Variants in GPT2 observed in about 807,000 individuals in gnomAD.
GPT2 encodes the protein alanine aminotransferase 2.
A neutral mutation model predicts 56.9 loss-of-function variants in GPT2; 30 were observed. That is an observed-to-expected ratio of 0.53 (90% CI 0.39 to 0.72). GPT2 has a LOEUF of 0.72. GPT2 is among the 30% of genes least tolerant of loss of function. The pLI is 0.00. For missense variants in GPT2, 542 were observed against 703.4 expected (o/e 0.77, Z 2.60); for synonymous variants, 271 against 283.1 (o/e 0.96, Z 0.43).
chr16:46,915,317 TAG>T (rs930492349), intron 6 of GPT2: 1 of 146,920 alleles, frequency 6.8e-6, no homozygotes, highest in African/African-American at 2.5e-5. Context: ...ACACCACACA[TAG>T]ACACATACTA....
chr16:46,897,965 CG>C (rs948700492), intron 3 of GPT2, among the ~76,000 whole-genome samples: 19 of 152,290 alleles, frequency 1.2e-4, no homozygotes, highest in Admixed American at 4.6e-4. Flanking sequence ...TTCCACAAGG[CG>C]GGGTCCTGGG....
chr16:46,907,462 G>A (rs1050490173), intron 5 of GPT2, among the ~76,000 whole-genome samples: 1 of 152,254 alleles, frequency 6.6e-6, no homozygotes, highest in Non-Finnish European at 1.5e-5. Context: ...ACCTGGTGGA[G>A]CGGGGGCAGG....
At chr16:46,925,279 T>C (rs192408445) in intron 10 of GPT2, among the ~76,000 whole-genome samples, 295 of 152,038 alleles carry the variant, frequency 1.9e-3, no homozygotes, top group African/African-American at 6.6e-3. Context: ...TGGAGTGCAG[T>C]GGTGCGATCG....
chr16:46,902,773 G>A (rs753189388), intron 4 of GPT2, among the ~76,000 whole-genome samples: 13 of 151,996 alleles, frequency 8.6e-5, no homozygotes, highest in Non-Finnish European at 1.5e-4. Flanking sequence ...CTACAGGCAC[G>A]CGCCACCACG....
intron 6 of GPT2, 135 bp from the exon 7 acceptor site, chr16:46,916,493 G>C: frequency 2.8e-6 from 2 of 710,984 alleles, no homozygotes; most frequent in Non-Finnish European, 5.2e-6. Flanking sequence ...CTGGGGAGGG[G>C]GGCCTCTGCG....
Position 46,916,647 on chromosome 16 carries a change from G to A in GPT2, c.840G>A (p.Lys280=). ...TTATAGGCCAGGTACAAAGCAGAAAGTGCATAGAAGATGTGATCCACTTTG... is the reference window on the plus strand; with the variant it reads ...TTATAGGCCAGGTACAAAGCAGAAAATGCATAGAAGATGTGATCCACTTTG... ...GNPTGQVQSR[K]CIEDVIHFAW... Residue 280 remains lysine (K), a synonymous_variant, in exon 7 of 12, where the codon AAG becomes AAA. Transcript: ENST00000340124. The A allele has an allele frequency of 6.2e-7, 1 of 1,613,930 alleles. No individual in the cohort carries two copies. The highest frequency in any genetic ancestry group is 8.5e-7 in the Non-Finnish European group (1 of 1,179,792).
At chr16:46,905,066 T>G (rs1022575870) in intron 4 of GPT2, among the ~76,000 whole-genome samples, 18 of 151,800 alleles carry the variant, frequency 1.2e-4, no homozygotes, top group African/African-American at 4.4e-4. Context: ...GGGCTTTTTT[T>G]TTTTTTTTTA....
At chr16:46,909,956 G>A (rs370047614) in intron 6 of GPT2, 29 bp downstream of exon 6, 161 of 1,566,992 alleles carry the variant, frequency 1.0e-4, no homozygotes, top group Non-Finnish European at 1.3e-4. Context: ...CACCAGTTTC[G>A]TAGAGGGTGG....
intron 2 of GPT2, among the ~76,000 whole-genome samples, chr16:46,886,387 T>C (rs1281627205): frequency 1.3e-5 from 2 of 152,206 alleles, no homozygotes; most frequent in Non-Finnish European, 2.9e-5. Flanking sequence ...TGCCTTTTGC[T>C]AAATAGCAAC....
intron 6 of GPT2, among the ~76,000 whole-genome samples, chr16:46,913,176 C>T (rs1238005182): frequency 6.6e-6 from 1 of 152,220 alleles, no homozygotes. Context: ...CTGCCCTTAT[C>T]CTCACGCTGT....
chr16:46,892,422 G>T (rs996258212), intron 2 of GPT2, among the ~76,000 whole-genome samples: 14 of 152,168 alleles, frequency 9.2e-5, no homozygotes, highest in Admixed American at 5.2e-4. Context: ...TCAAGACAAT[G>T]ATTTCATTTC....
At position 46,922,800 on chromosome 16, in the gene GPT2, C is replaced by T. The variant is rs574765240; in HGVS notation, c.1212+384C>T. 2.0e-5 allele frequency among the ~76,000 whole-genome samples: 3 copies of T among 152,294 alleles called. No homozygotes were observed. In the East Asian group the frequency reaches 5.8e-4, roughly 29 times the overall value. ...CCACCCGCCTCTGCCAACCTGTGTC[C>T]TCACAGCTTGACAGGGTCCTCCAGC... is the stretch of plus-strand genomic sequence containing the variant. On this transcript the variant is annotated intron_variant, in intron 9 of 11. Transcript: ENST00000340124.
rs908699687 is a variant in GPT2 at position 46,894,786 on chromosome 16, G to C, written c.244-2862G>C. Among the ~76,000 whole-genome samples the C allele has an allele frequency of 3.9e-5, 6 of 151,900 alleles. No homozygotes were observed. The South Asian group carries it at 6.2e-4, about 16-fold the overall frequency. ...CTTCATGCCATTCTCCTGCCTCAGC[G>C]TCCCGAGTAGCTGGGACTACAGGCG... On this transcript the variant is annotated intron_variant, in intron 2 of 11. Coordinates refer to ENST00000340124, the MANE Select transcript of GPT2 (RefSeq NM_133443.4).
intron 6 of GPT2, 197 bp from the exon 7 acceptor site, chr16:46,916,431 G>T (rs1411324825): frequency 1.7e-6 from 1 of 588,928 alleles, no homozygotes; most frequent in East Asian, 2.6e-5. Flanking sequence ...CAGACACACA[G>T]GCTGCTCTTC....
intron 4 of GPT2, among the ~76,000 whole-genome samples, chr16:46,901,347 C>T (rs1960813570): frequency 6.6e-6 from 1 of 152,186 alleles, no homozygotes; most frequent in African/African-American, 2.4e-5. Context: ...TTTCAGGGAC[C>T]CATGCCCCAA....
chr16:46,903,859 T>C (rs946951658), intron 4 of GPT2, among the ~76,000 whole-genome samples: 40 of 152,198 alleles, frequency 2.6e-4, no homozygotes, highest in Admixed American at 2.4e-3. Context: ...TATATACGAA[T>C]GTGTAATCAC....
At position 46,927,066 on chromosome 16, in the gene GPT2, G is replaced by A. The variant is rs377312862; in HGVS notation, c.1481+29G>A. On this transcript the variant is annotated intron_variant, in intron 11 of 11. Transcript: ENST00000340124. ...TGACTTCCTCTCCGCACTAGGGGCT[G>A]GTCCGGGTCTTGTCCAGGGAAATGT... The A allele has an allele frequency of 2.9e-5, 41 of 1,405,376 alleles. No homozygotes were observed. In the African/African-American group the frequency reaches 5.4e-4, roughly 19 times the overall value. 87.1% of individuals were successfully genotyped at this position (1,405,376 alleles called of 1,614,324 possible).
chr16:46,926,130 CAAAAAAAAAAA>C (rs57922941), intron 10 of GPT2, among the ~76,000 whole-genome samples: 2 of 58,168 alleles, frequency 3.4e-5, no homozygotes, highest in African/African-American at 1.4e-4. Context: ...GACTCTGTCT[CAAAAAAAAAAA>C]AAAAAAAAAA....
chr16:46,913,741 C>CAT (rs139532893), intron 6 of GPT2, among the ~76,000 whole-genome samples: 31 of 151,652 alleles, frequency 2.0e-4, no homozygotes, highest in East Asian at 3.9e-4. Context: ...TACTGTTTTG[C>CAT]ATATATATAT....
Sources: allele counts gnomAD v4.1 joint callset (sites outside exome capture counted in the v4.1 genomes callset), GRCh38; gene constraint gnomAD v4.1.1; transcripts MANE v1.5; gene names NCBI Gene and HGNC (gene_info 2026-07-23, HGNC 2026-07-21).